UNC13C: variants seen among roughly 807,000 people sequenced by gnomAD.
UNC13C encodes unc-13 homolog C.
In UNC13C, 174 loss-of-function variants were observed where a neutral mutation model predicts 245.4. The observed-to-expected ratio is 0.71, with a 90% CI of 0.63 to 0.80. UNC13C has a LOEUF of 0.80. UNC13C is among the 30% of genes least tolerant of loss of function. UNC13C has a pLI of 0.00. For missense variants in UNC13C, 2,829 were observed against 2,602.9 expected (o/e 1.09, Z -1.89); for synonymous variants, 992 against 895.1 (o/e 1.11, Z -1.93).
At chr15:54,571,795 A>G (rs1464599611) in intron 30 of UNC13C, among the ~76,000 whole-genome samples, 1 of 152,104 alleles carries the variant, frequency 6.6e-6, no homozygotes, top group African/African-American at 2.4e-5. Context: ...GCAGCCCCCT[A>G]CCAGTGAAAT....
intron 30 of UNC13C, among the ~76,000 whole-genome samples, chr15:54,586,432 G>T (rs1898496277): frequency 6.6e-6 from 1 of 152,172 alleles, no homozygotes; most frequent in Non-Finnish European, 1.5e-5. Context: ...TTTTCATTCT[G>T]TTCTCATGGC....
the UNC13C span, among the ~76,000 whole-genome samples, chr15:53,945,584 T>C: frequency 6.6e-6 from 1 of 151,900 alleles, no homozygotes; most frequent in Non-Finnish European, 1.5e-5. Flanking sequence ...GGACTATCTC[T>C]TCTGTTCAGT....
the UNC13C span, among the ~76,000 whole-genome samples, chr15:53,965,486 T>C: frequency 6.6e-6 from 1 of 151,778 alleles, no homozygotes; most frequent in East Asian, 1.9e-4. Context: ...ATCCAAATAA[T>C]ATTTAAATGT....
At chr15:54,480,964 C>G (rs1893072417) in intron 19 of UNC13C, among the ~76,000 whole-genome samples, 1 of 152,140 alleles carries the variant, frequency 6.6e-6, no homozygotes, top group Non-Finnish European at 1.5e-5. Context: ...TCTATAGATG[C>G]ACTAGCTGTA....
intron 12 of UNC13C, among the ~76,000 whole-genome samples, chr15:54,298,305 A>C (rs2037488919): frequency 6.6e-6 from 1 of 152,232 alleles, no homozygotes; most frequent in Non-Finnish European, 1.5e-5. Context: ...TTGGTATTGC[A>C]GGAGAGGATC....
At chr15:54,337,796 C>T (rs2038626545) in intron 16 of UNC13C, among the ~76,000 whole-genome samples, 1 of 152,226 alleles carries the variant, frequency 6.6e-6, no homozygotes, top group East Asian at 1.9e-4. Flanking sequence ...TATCCAGTTC[C>T]TTCCCACCTC....
At chr15:53,944,942 T>A in the UNC13C span, among the ~76,000 whole-genome samples, 4 of 152,224 alleles carry the variant, frequency 2.6e-5, no homozygotes, top group Admixed American at 2.0e-4. Context: ...TTTTACTTTT[T>A]AATAATAGCC....
chr15:53,877,730 T>C, the UNC13C span, among the ~76,000 whole-genome samples: 1 of 152,158 alleles, frequency 6.6e-6, no homozygotes. Flanking sequence ...TAGAATGAGA[T>C]GAGGTTTGAC....
At chr15:54,220,351 G>A (rs1490362756) in intron 4 of UNC13C, among the ~76,000 whole-genome samples, 6 of 146,088 alleles carry the variant, frequency 4.1e-5, no homozygotes, top group African/African-American at 1.6e-4. Context: ...CAAGGACAAG[G>A]AACCAAACAG....
intron 2 of UNC13C, among the ~76,000 whole-genome samples, chr15:54,076,324 G>A (rs1898622769): frequency 2.3e-5 from 3 of 131,316 alleles, no homozygotes; most frequent in African/African-American, 8.9e-5. Flanking sequence ...TGATCTCATT[G>A]TTCATTTCCC....
At chr15:54,150,808 A>G (rs1230077652) in intron 4 of UNC13C, among the ~76,000 whole-genome samples, 1 of 152,216 alleles carries the variant, frequency 6.6e-6, no homozygotes, top group East Asian at 1.9e-4. Context: ...TACAGCATCT[A>G]TGAAATTAAG....
intron 16 of UNC13C, 103 bp from the exon 17 acceptor site, chr15:54,338,258 A>G: frequency 7.5e-7 from 1 of 1,337,826 alleles, no homozygotes; most frequent in South Asian, 2.0e-5. Flanking sequence ...TGAACATAGA[A>G]AAATCGACTG....
At chr15:54,110,700 C>G (rs1209232928) in intron 2 of UNC13C, among the ~76,000 whole-genome samples, 1 of 152,072 alleles carries the variant, frequency 6.6e-6, no homozygotes, top group East Asian at 1.9e-4. Flanking sequence ...GGCTGGAGTA[C>G]AGATCAAAGT....
intron 2 of UNC13C, among the ~76,000 whole-genome samples, chr15:54,074,907 A>G (rs1566992806): frequency 8.8e-6 from 1 of 113,160 alleles, no homozygotes; most frequent in Non-Finnish European, 2.3e-5. Context: ...AACTTCCAAT[A>G]CTATGTTGAA....
intron 1 of UNC13C, among the ~76,000 whole-genome samples, chr15:53,982,322 G>T (rs2140947654): frequency 6.6e-6 from 1 of 152,150 alleles, no homozygotes; most frequent in African/African-American, 2.4e-5. Context: ...AAAATATTTT[G>T]CTTCATGTGT....
intron 30 of UNC13C, among the ~76,000 whole-genome samples, chr15:54,592,959 T>C (rs1206644262): frequency 6.6e-6 from 1 of 152,076 alleles, no homozygotes; most frequent in Non-Finnish European, 1.5e-5. Context: ...AGGATTTGTT[T>C]CAAGAGTTAG....
At chr15:53,868,163 T>A in the UNC13C span, among the ~76,000 whole-genome samples, 1 of 152,126 alleles carries the variant, frequency 6.6e-6, no homozygotes, top group African/African-American at 2.4e-5. Flanking sequence ...AAACTATCAA[T>A]GGGAAATGGC....
intron 17 of UNC13C, among the ~76,000 whole-genome samples, chr15:54,377,867 A>C (rs1253852760): frequency 6.6e-6 from 1 of 152,166 alleles, no homozygotes; most frequent in African/African-American, 2.4e-5. Flanking sequence ...CAATGTATGA[A>C]TTTGGCCGTG....
the UNC13C span, among the ~76,000 whole-genome samples, chr15:53,945,893 T>G: frequency 6.6e-6 from 1 of 152,204 alleles, no homozygotes; most frequent in Non-Finnish European, 1.5e-5. Context: ...GGAATGTTTT[T>G]CCATTTGTTT....
Sources: allele counts gnomAD v4.1 joint callset (sites outside exome capture counted in the v4.1 genomes callset), GRCh38; gene constraint gnomAD v4.1.1; transcripts MANE v1.5; gene names NCBI Gene and HGNC (gene_info 2026-07-23, HGNC 2026-07-21).